Variants in DAAM2 observed in about 807,000 individuals in gnomAD.
DAAM2 encodes disheveled-associated activator of morphogenesis 2.
DAAM2 carries 39 observed loss-of-function variants against 120.7 expected under a neutral mutation model. The observed-to-expected ratio is 0.32, with a 90% CI of 0.25 to 0.42. The LOEUF is 0.42. Among genes scored for constraint, DAAM2 ranks in the 10% least tolerant of loss-of-function variants. DAAM2 has a pLI of 1.00. For synonymous variants in DAAM2, 488 were observed against 524.9 expected (o/e 0.93, Z 0.96); for missense variants, 1,283 against 1,401.7 (o/e 0.92, Z 1.35).
chr6:39,809,514 A>G (rs1164285401), intron 1 of DAAM2, among the ~76,000 whole-genome samples: 2 of 152,146 alleles, frequency 1.3e-5, no homozygotes, highest in Non-Finnish European at 2.9e-5. Flanking sequence ...CATTTCCCAA[A>G]CTGCCTTTGA....
At chr6:39,853,042 G>C (rs569010654) in intron 1 of DAAM2, among the ~76,000 whole-genome samples, 35 of 152,322 alleles carry the variant, frequency 2.3e-4, no homozygotes, top group African/African-American at 7.9e-4. Flanking sequence ...GGCAAGGTAA[G>C]AAAAGCCCAT....
At chr6:39,843,254 A>G (rs1763423081) in intron 1 of DAAM2, among the ~76,000 whole-genome samples, 1 of 152,160 alleles carries the variant, frequency 6.6e-6, no homozygotes, top group Non-Finnish European at 1.5e-5. Context: ...GCAATGGTGC[A>G]TTTAAGGAGG....
intron 1 of DAAM2, among the ~76,000 whole-genome samples, chr6:39,800,331 A>G (rs962821111): frequency 5.3e-5 from 8 of 152,276 alleles, no homozygotes; most frequent in Middle Eastern, 3.4e-3. Flanking sequence ...TGGGGTAGCT[A>G]TCAGGCATCA....
At chr6:39,810,756 C>T (rs1213047552) in intron 1 of DAAM2, among the ~76,000 whole-genome samples, 1 of 152,184 alleles carries the variant, frequency 6.6e-6, no homozygotes, top group Non-Finnish European at 1.5e-5. Flanking sequence ...TTCCCAGATC[C>T]CTCCCCTGCC....
rs557140121 is a variant in DAAM2, at chr6:39,901,809, G to A, written c.2983-4G>A. The A allele has an allele frequency of 3.1e-4, 477 of 1,522,718 alleles. No individual in the cohort carries two copies. Among genetic ancestry groups the A allele is most frequent in the South Asian group, 2.9e-3 (227 of 77,546 alleles). The allele number at this position is 1,522,718 out of a possible 1,614,324, so 94.3% of individuals were successfully genotyped here. A position where few individuals can be genotyped will look rare whatever the true frequency, so the allele number is the denominator to read the frequency against. Reference sequence around the variant, plus strand: ...GGTTCCTATCTTTGGCCCCCCGCCCGCAGCTGAAGGAGCAGAGGGAACGTG... The same window carrying A: ...GGTTCCTATCTTTGGCCCCCCGCCCACAGCTGAAGGAGCAGAGGGAACGTG... On this transcript the variant is annotated splice_polypyrimidine_tract_variant and splice_region_variant and intron_variant, in intron 24 of 24. Coordinates refer to ENST00000274867, the MANE Select transcript of DAAM2 (RefSeq NM_001201427.2). This position sits in a 1 kb window ranked among gnomAD's most constrained non-coding sequence, Gnocchi z 4.5.
chr6:39,864,015 C>T (rs185214831), intron 3 of DAAM2, among the ~76,000 whole-genome samples: 153 of 151,846 alleles, frequency 1.0e-3, no homozygotes, highest in African/African-American at 3.6e-3. Flanking sequence ...TGTCACAGAC[C>T]AATACTTTTG....
chr6:39,805,332 C>T (rs1000655674), intron 1 of DAAM2, among the ~76,000 whole-genome samples: 13 of 152,052 alleles, frequency 8.5e-5, no homozygotes, highest in Admixed American at 6.5e-4. Flanking sequence ...GTAATGATAC[C>T]TACTCCCAAA....
chr6:39,901,282 CCTGTT>C lies in DAAM2; in HGVS notation c.2812-15_2812-11del, dbSNP rs1562068904. 6.2e-7 allele frequency: 1 copy of C among 1,607,742 alleles called. No homozygotes were observed. The highest frequency in any genetic ancestry group is 1.7e-5 in the Admixed American group (1 of 59,796). ...ATGCTCCAGGGCACTCTCCACCAAT[CCTGTT>C]CTGTCCCTTGACAGTTCGCCAAGGC... On this transcript the variant is annotated splice_polypyrimidine_tract_variant and intron_variant, in intron 23 of 24. Transcript: ENST00000274867. This position sits in a 1 kb window ranked among gnomAD's most constrained non-coding sequence, Gnocchi z 4.5.
At chr6:39,840,342 T>C (rs530999246) in intron 1 of DAAM2, among the ~76,000 whole-genome samples, 8 of 152,324 alleles carry the variant, frequency 5.3e-5, no homozygotes, top group African/African-American at 1.7e-4. Context: ...TCACTGAACA[T>C]TGGTTTCCTT....
intron 3 of DAAM2, among the ~76,000 whole-genome samples, chr6:39,864,224 C>T (rs1764325978): frequency 6.6e-6 from 1 of 152,182 alleles, no homozygotes; most frequent in Admixed American, 6.5e-5. Context: ...CTGCCCGCGT[C>T]GTTGTCTGGC....
chr6:39,839,093 TTTTTTTTG>T (rs1225522618), intron 1 of DAAM2, among the ~76,000 whole-genome samples: 4 of 152,178 alleles, frequency 2.6e-5, no homozygotes, highest in Non-Finnish European at 5.9e-5. Flanking sequence ...AGGCATTGTT[TTTTTTTTG>T]TTTTTTTGTT....
intron 1 of DAAM2, among the ~76,000 whole-genome samples, chr6:39,855,550 C>T (rs955100031): frequency 2.6e-5 from 4 of 152,216 alleles, no homozygotes; most frequent in Non-Finnish European, 5.9e-5. Flanking sequence ...AGGCTTCGCT[C>T]TGACTCCCCT....
In DAAM2 at chr6:39,898,945, C is replaced by T. The variant is rs747396327; in HGVS notation, c.2679+8C>T. On this transcript the variant is annotated splice_region_variant and intron_variant, in intron 22 of 24. Coordinates refer to ENST00000274867, the MANE Select transcript of DAAM2 (RefSeq NM_001201427.2). ...CTGAGAGCGGTGGAGGTGGTGAGTA[C>T]CTTGTCAGTGCCTACCTGGGTGAGG... 58 of 1,607,202 alleles carry T rather than the reference C, an allele frequency of 3.6e-5. No homozygotes were observed. Among genetic ancestry groups the T allele is most frequent in the Non-Finnish European group, 4.8e-5 (57 of 1,176,408 alleles).
chr6:39,862,111 A>C (rs1178874508), intron 3 of DAAM2: 2 of 152,194 alleles, frequency 1.3e-5, no homozygotes, highest in African/African-American at 4.8e-5. Context: ...TCTACAAATG[A>C]GGCCAAGAAG....
In DAAM2 at chr6:39,856,434, C is replaced by A; in HGVS notation, c.132C>A (p.Asn44Lys). Residue 44 changes from asparagine (N) to lysine (K), a missense_variant, in exon 2 of 25, where the codon AAC becomes AAA. Asn to Lys is a moderately conservative substitution (Grantham distance 94, BLOSUM62 0). Transcript: ENST00000274867. ...QFMEFSSPIP[N>K]AEELNIRFAE... Reference sequence around the variant, plus strand: ...TGGAGTTCTCCAGCCCCATCCCGAACGCAGAGGAGCTCAACATCCGCTTTG... The same window carrying A: ...TGGAGTTCTCCAGCCCCATCCCGAAAGCAGAGGAGCTCAACATCCGCTTTG... The A allele has an allele frequency of 6.7e-7, 1 of 1,492,272 alleles. No homozygotes were observed. Among genetic ancestry groups the A allele is most frequent in the Non-Finnish European group, 8.9e-7 (1 of 1,119,662 alleles). The allele number at this position is 1,492,272 out of a possible 1,614,324, so 92.4% of individuals were successfully genotyped here. A position where few individuals can be genotyped will look rare whatever the true frequency, so the allele number is the denominator to read the frequency against.
intron 15 of DAAM2, 94 bp from the exon 16 acceptor site, chr6:39,887,392 T>C: frequency 1.2e-6 from 1 of 805,634 alleles, no homozygotes. Flanking sequence ...ACCAGGAGCA[T>C]TCCTGGATTG....
chr6:39,873,548 T>G (rs1764750136), intron 10 of DAAM2, among the ~76,000 whole-genome samples, 193 bp downstream of exon 10: 2 of 152,170 alleles, frequency 1.3e-5, no homozygotes, highest in South Asian at 4.1e-4. Flanking sequence ...GTCTTCACTG[T>G]CATCTGGGGA....
intron 8 of DAAM2, 34 bp downstream of exon 8, chr6:39,870,477 T>G: frequency 7.3e-7 from 1 of 1,372,684 alleles, no homozygotes; most frequent in Non-Finnish European, 1.0e-6. Context: ...ATTGCAAACC[T>G]GTGGGGACAG....
In DAAM2 at chr6:39,814,066, A is replaced by G. The variant is rs534059670; in HGVS notation, c.-57+21601A>G. The stretch of plus-strand genomic sequence containing the variant: ...ATCAAGCTTGTTCAGCCCGTGGCCC[A>G]TGGGCTGCATGCGGCCCAGGATGGC... On this transcript the variant is annotated intron_variant, in intron 1 of 24. Transcript: ENST00000274867. 2.6e-5 allele frequency among the ~76,000 whole-genome samples: 4 copies of G among 152,342 alleles called. No individual in the cohort carries two copies. In the South Asian group the frequency reaches 8.3e-4, roughly 32 times the overall value.
Sources: gnomAD v4.1 joint callset for allele counts (sites outside exome capture counted in the v4.1 genomes callset) on GRCh38, gnomAD v4.1.1 for gene constraint, Gnocchi (gnomAD v3.1) non-coding constraint, MANE v1.5 for transcripts, NCBI Gene and HGNC (gene_info 2026-07-23, HGNC 2026-07-21) for gene names.